WHRN: variants seen among roughly 807,000 people sequenced by gnomAD.
WHRN encodes the protein CASK-interacting protein CIP98.
Under a neutral mutation model 68.3 loss-of-function variants are expected in WHRN, and 41 were observed. The ratio of observed to expected loss-of-function variants is 0.60; its 90% CI spans 0.47 to 0.78. WHRN has a LOEUF of 0.78. WHRN is among the 30% of genes least tolerant of loss of function. The pLI is 0.00. For missense variants in WHRN, 1,243 were observed against 1,244.7 expected (o/e 1.00, Z 0.02); for synonymous variants, 560 against 561.3 (o/e 1.00, Z 0.03).
At chr9:114,499,055 T>G (rs949656167) in intron 1 of WHRN, among the ~76,000 whole-genome samples, 1 of 152,266 alleles carries the variant, frequency 6.6e-6, no homozygotes, top group African/African-American at 2.4e-5. Context: ...GGCTAGCATG[T>G]GTCCACTATA....
intron 3 of WHRN, among the ~76,000 whole-genome samples, chr9:114,442,728 T>C (rs776299898): frequency 3.3e-5 from 5 of 152,134 alleles, no homozygotes; most frequent in Non-Finnish European, 7.3e-5. Context: ...ACAAGCCTGC[T>C]CTCCTTTGCC....
At chr9:114,419,743 A>G (rs191352888) in intron 7 of WHRN, among the ~76,000 whole-genome samples, 1 of 152,214 alleles carries the variant, frequency 6.6e-6, no homozygotes, top group Non-Finnish European at 1.5e-5. Flanking sequence ...ACATCACGGG[A>G]CAGAAATTAC....
At chr9:114,403,112 C>T in intron 11 of WHRN, 105 bp downstream of exon 11, 1 of 1,572,198 alleles carries the variant, frequency 6.4e-7, no homozygotes, top group Non-Finnish European at 8.7e-7. Context: ...CTAGGTCTGC[C>T]CTTGAGTGCC....
intron 6 of WHRN, among the ~76,000 whole-genome samples, chr9:114,423,911 T>G (rs1312808616): frequency 1.3e-5 from 2 of 152,178 alleles, no homozygotes; most frequent in African/African-American, 4.8e-5. Context: ...CACCACCTCT[T>G]CCTTTGTACA....
intron 3 of WHRN, among the ~76,000 whole-genome samples, chr9:114,433,097 C>A (rs965627915): frequency 2.0e-5 from 3 of 152,328 alleles, no homozygotes; most frequent in African/African-American, 7.2e-5. Flanking sequence ...TACCAGCCAG[C>A]AAGGCCCCTG....
rs1482677504 is a variant in WHRN, at chr9:114,478,636, G to A, written c.754C>T (p.Gln252Ter). Residue 252 changes from glutamine to a stop codon, truncating the protein, a stop_gained, in exon 2 of 12, where the codon CAG becomes TAG. Transcript: ENST00000362057. LOFTEE classifies it high-confidence loss of function. The stretch of plus-strand genomic sequence containing the variant: ...TGCCTCAGGGCACCACCGTGGGGCT[G>A]GGGCAGGCCCGAGGGTGGGGAGATG... Reference protein sequence around the residue: ...RSISPPSGLPQPHGGALRQQE... With the variant: ...RSISPPSGLP The A allele has an allele frequency of 3.7e-6, 6 of 1,613,634 alleles. No homozygotes were observed. The highest frequency in any genetic ancestry group is 5.1e-6 in the Non-Finnish European group (6 of 1,179,952).
chr9:114,492,203 G>A (rs1266638245), intron 1 of WHRN, among the ~76,000 whole-genome samples: 6 of 151,952 alleles, frequency 3.9e-5, no homozygotes, highest in Non-Finnish European at 8.8e-5. Context: ...AACAAATTCC[G>A]TCCCAGGGGC....
At chr9:114,414,159 T>C (rs890800714) in intron 7 of WHRN, among the ~76,000 whole-genome samples, 2 of 152,168 alleles carry the variant, frequency 1.3e-5, no homozygotes, top group African/African-American at 4.8e-5. Context: ...TCAGAGGAAC[T>C]GGTCATGGTC....
At chr9:114,470,388 T>C (rs747988591) in intron 2 of WHRN, among the ~76,000 whole-genome samples, 11 of 152,096 alleles carry the variant, frequency 7.2e-5, no homozygotes, top group South Asian at 2.1e-4. Context: ...ACACGGGTCC[T>C]GTATGGCCAG....
intron 1 of WHRN, among the ~76,000 whole-genome samples, chr9:114,484,852 C>T (rs1419689836): frequency 3.3e-5 from 5 of 152,222 alleles, no homozygotes; most frequent in African/African-American, 1.2e-4. Context: ...TTGGAGCCAA[C>T]TCTGAAACCC....
intron 4 of WHRN, chr9:114,425,632 G>GAGAGACACAGACAGACAGACAGAC (rs1564138482): frequency 1.1e-5 from 1 of 91,136 alleles, no homozygotes; most frequent in Non-Finnish European, 2.3e-5. Flanking sequence ...CACACACACA[G>GAGAGACACAGACAGACAGACAGAC]AGAGACACAG....
At chr9:114,461,964 GA>G (rs1840281670) in intron 3 of WHRN, among the ~76,000 whole-genome samples, 2 of 152,216 alleles carry the variant, frequency 1.3e-5, no homozygotes, top group Non-Finnish European at 2.9e-5. Context: ...TAGGAGTCAT[GA>G]GTATATATAC....
intron 1 of WHRN, among the ~76,000 whole-genome samples, chr9:114,489,899 A>G (rs1842841270): frequency 8.2e-6 from 1 of 121,964 alleles, no homozygotes; most frequent in African/African-American, 2.5e-5. Flanking sequence ...AGTTTGGTCT[A>G]AGAACACATG....
intron 1 of WHRN, among the ~76,000 whole-genome samples, chr9:114,501,799 C>A (rs1263858751): frequency 1.7e-4 from 26 of 152,196 alleles, no homozygotes; most frequent in Admixed American, 1.7e-3. Flanking sequence ...ACCATAAAAT[C>A]CCCGACATGG....
intron 1 of WHRN, chr9:114,503,093 G>A (rs893310047): frequency 2.0e-6 from 2 of 978,834 alleles, no homozygotes; most frequent in African/African-American, 1.7e-5. Flanking sequence ...CCAGGGAGAC[G>A]GCTCAAGACT....
chr9:114,414,677 A>G (rs1835685543), intron 7 of WHRN, among the ~76,000 whole-genome samples: 2 of 152,260 alleles, frequency 1.3e-5, no homozygotes, highest in Non-Finnish European at 2.9e-5. Context: ...ACCGCTACAG[A>G]GACAGCAAAG....
intron 3 of WHRN, among the ~76,000 whole-genome samples, chr9:114,437,440 G>A (rs1200359272): frequency 6.6e-6 from 1 of 152,066 alleles, no homozygotes; most frequent in Non-Finnish European, 1.5e-5. Flanking sequence ...AACTCTATAA[G>A]CAAAGTCAAA....
intron 2 of WHRN, among the ~76,000 whole-genome samples, chr9:114,470,040 C>T (rs1841072288): frequency 1.3e-5 from 2 of 152,222 alleles, no homozygotes; most frequent in Non-Finnish European, 2.9e-5. Context: ...ACGGGGCCCA[C>T]CCAGACAATC....
chr9:114,419,358 T>C (rs557573147), intron 7 of WHRN, among the ~76,000 whole-genome samples: 3 of 152,364 alleles, frequency 2.0e-5, no homozygotes, highest in South Asian at 4.1e-4. Flanking sequence ...TCAGCCACTA[T>C]TGTTATTAAT....
Sources: allele counts gnomAD v4.1 joint callset (sites outside exome capture counted in the v4.1 genomes callset), GRCh38; gene constraint gnomAD v4.1.1; transcripts MANE v1.5; gene names NCBI Gene and HGNC (gene_info 2026-07-23, HGNC 2026-07-21).